The following LLGL2 variants were observed in gnomAD, a reference collection of about 807,000 sequenced individuals.
LLGL2 encodes LLGL2, scribble cell polarity complex component.
A neutral mutation model predicts 123.2 loss-of-function variants in LLGL2; 81 were observed. That is an observed-to-expected ratio of 0.66 (90% CI 0.55 to 0.79). The LOEUF is 0.79. Among genes scored for constraint, LLGL2 ranks in the 30% least tolerant of loss-of-function variants. LLGL2 has a pLI of 0.00. For missense variants in LLGL2, 1,273 were observed against 1,414.6 expected, an observed-to-expected ratio of 0.90 and a Z score of 1.61; for synonymous variants, 577 against 594.1, an observed-to-expected ratio of 0.97 and a Z score of 0.42.
chr17:75,541,790 C>T (rs1299400698), intron 1 of LLGL2, among the ~76,000 whole-genome samples: 1 of 131,596 alleles, frequency 7.6e-6, no homozygotes, highest in Non-Finnish European at 1.5e-5. Context: ...AGTGCAATGG[C>T]CTGATCTTGG....
At position 75,549,478 on chromosome 17, in the gene LLGL2, GAACA is replaced by G. The variant is rs747595996; in HGVS notation, c.75+5982_75+5985del. 6.6e-6 allele frequency among the ~76,000 whole-genome samples: 1 copy of G among 152,008 alleles called. No homozygotes were observed. Among genetic ancestry groups the G allele is most frequent in the Non-Finnish European group, 1.5e-5 (1 of 67,962 alleles). On this transcript the variant is annotated intron_variant, in intron 2 of 25. Transcript: ENST00000392550. The surrounding 1 kb of genome is among the most constrained non-coding windows in gnomAD (Gnocchi z 4.0). The stretch of plus-strand genomic sequence containing the variant: ...ACCCTCCTCTGTCCCCTTAGGCCCT[GAACA>G]AACAGTGTGTTCCTGACCCAGCAGC...
chr17:75,548,820 A>AAG (rs2054544913), intron 2 of LLGL2, among the ~76,000 whole-genome samples: 1 of 151,026 alleles, frequency 6.6e-6, no homozygotes, highest in South Asian at 2.1e-4. Flanking sequence ...CTACAGTGGT[A>AAG]TTTTGGGGTG....
chr17:75,534,700 C>T (rs1008715634), intron 1 of LLGL2, among the ~76,000 whole-genome samples: 1 of 152,082 alleles, frequency 6.6e-6, no homozygotes, highest in Non-Finnish European at 1.5e-5. Context: ...AGGCTGGTCT[C>T]GAACTCCTAG....
chr17:75,571,593 A>C, intron 17 of LLGL2, 74 bp from the exon 18 acceptor site: 2 of 1,105,592 alleles, frequency 1.8e-6, no homozygotes, highest in Non-Finnish European at 1.3e-6. Context: ...AAAACCTGGG[A>C]GTAAACCCTG....
At chr17:75,553,545 G>A (rs2054771901) in intron 2 of LLGL2, among the ~76,000 whole-genome samples, 1 of 152,168 alleles carries the variant, frequency 6.6e-6, no homozygotes, top group Non-Finnish European at 1.5e-5. Flanking sequence ...GGGCTGCAAA[G>A]TAGGAAAGCC....
chr17:75,558,491 C>T lies in LLGL2; in HGVS notation c.256-21C>T. The T allele has an allele frequency of 6.4e-7, 1 of 1,553,884 alleles. No individual in the cohort carries two copies. ...TGCCTGGGTAGCAAGACCACATGAT[C>T]CCGTCGTGTGCCCTCGCCAGTGCCA... On this transcript the variant is annotated intron_variant, in intron 4 of 25. Transcript: ENST00000392550. This position sits in a 1 kb window ranked among gnomAD's most constrained non-coding sequence, Gnocchi z 4.0.
chr17:75,569,844 A>T, intron 14 of LLGL2, 119 bp from the exon 15 acceptor site: 2 of 1,010,314 alleles, frequency 2.0e-6, no homozygotes, highest in Non-Finnish European at 2.8e-6. Context: ...GGTTGGACAG[A>T]GGCCTTTGTC....
At chr17:75,563,217 C>T (rs1196952235) in intron 7 of LLGL2, 39 bp downstream of exon 7, 5 of 1,610,410 alleles carry the variant, frequency 3.1e-6, no homozygotes, top group Non-Finnish European at 2.5e-6. Context: ...CCATGTTGCT[C>T]TCCCAGGGCC....
At chr17:75,539,455 GGTC>G (rs138948628) in intron 1 of LLGL2, among the ~76,000 whole-genome samples, 22,637 of 151,180 alleles carry the variant, frequency 0.15, 2,075 homozygotes, top group African/African-American at 0.25. Flanking sequence ...TGCCCAGGCT[GGTC>G]GTCTCCAGCT....
intron 1 of LLGL2, among the ~76,000 whole-genome samples, chr17:75,534,683 G>A (rs2053935201): frequency 6.6e-6 from 1 of 152,078 alleles, no homozygotes; most frequent in Non-Finnish European, 1.5e-5. Context: ...GTCTCCCTAA[G>A]TTGCCCAGGC....
Position 75,568,632 on chromosome 17 carries a change from T to C in LLGL2, c.1193T>C (p.Leu398Pro). The change falls in exon 11 of 26, where the codon CTG becomes CCG. Residue 398 changes from leucine to proline, a missense_variant. Coordinates refer to ENST00000392550, the MANE Select transcript of LLGL2 (RefSeq NM_001031803.2). ...TCSHHVSNIP[L>P]KLWERIIAAG... ...TCTCACCACGTCTCCAACATCCCGC[T>C]GAAGCTGTGGGAGCGGATCATTGCC... 6.2e-7 allele frequency: 1 copy of C among 1,613,884 alleles called. No homozygotes were observed. Among genetic ancestry groups the C allele is most frequent in the Non-Finnish European group, 8.5e-7 (1 of 1,180,024 alleles).
chr17:75,568,003 C>T (rs2055520598), intron 10 of LLGL2: 1 of 930,274 alleles, frequency 1.1e-6, no homozygotes, highest in Admixed American at 5.5e-5. Flanking sequence ...ATTTATTGAG[C>T]ACTAGCTGGG....
chr17:75,556,308 G>A (rs966411482), intron 3 of LLGL2, among the ~76,000 whole-genome samples, 165 bp downstream of exon 3: 2 of 152,202 alleles, frequency 1.3e-5, no homozygotes, highest in Non-Finnish European at 2.9e-5. Context: ...GGCAGGTATG[G>A]TTGATGGTGG....
intron 25 of LLGL2, 88 bp downstream of exon 25, chr17:75,574,756 G>A (rs979198347): frequency 1.6e-5 from 25 of 1,594,880 alleles, no homozygotes; most frequent in Middle Eastern, 3.3e-4. Flanking sequence ...TGGGTCCCAC[G>A]GGGCTGACAC....
intron 16 of LLGL2, 131 bp downstream of exon 16, chr17:75,570,629 TTG>T: frequency 8.7e-7 from 1 of 1,144,086 alleles, no homozygotes; most frequent in Non-Finnish European, 1.2e-6. Context: ...CCAGGTCGCA[TTG>T]TGTGACCTCA....
At chr17:75,569,820 T>G in intron 14 of LLGL2, 143 bp from the exon 15 acceptor site, 1 of 721,116 alleles carries the variant, frequency 1.4e-6, no homozygotes, top group Non-Finnish European at 2.1e-6. Flanking sequence ...AAAAAAAAAA[T>G]GCAGGAGAGC....
intron 19 of LLGL2, among the ~76,000 whole-genome samples, chr17:75,572,699 G>T (rs1319637631): frequency 6.7e-6 from 1 of 149,820 alleles, no homozygotes; most frequent in East Asian, 2.0e-4. Context: ...GGTGGTGGAC[G>T]CCTGTAATCC....
At chr17:75,526,124 G>A (rs1369984139) in intron 1 of LLGL2, among the ~76,000 whole-genome samples, 1 of 152,114 alleles carries the variant, frequency 6.6e-6, no homozygotes, top group Non-Finnish European at 1.5e-5. Context: ...GGCCGGCTGG[G>A]TGCGGGGGGC....
At position 75,570,333 on chromosome 17, in the gene LLGL2, T is replaced by C. The variant is rs745409371; in HGVS notation, c.1875-15T>C. The C allele has an allele frequency of 1.6e-5, 26 of 1,610,772 alleles. No homozygotes were observed. The highest frequency in any genetic ancestry group is 5.0e-5 in the Admixed American group (3 of 59,706). The stretch of plus-strand genomic sequence containing the variant: ...CCAGGACCTAGCAGCACTGACAGCC[T>C]GCCATCCCCCCAAGGTGCACACTGC... On this transcript the variant is annotated splice_polypyrimidine_tract_variant and intron_variant, in intron 15 of 25. Transcript: ENST00000392550.
Sources: allele counts gnomAD v4.1 joint callset (sites outside exome capture counted in the v4.1 genomes callset), GRCh38; gene constraint gnomAD v4.1.1; non-coding constraint Gnocchi (gnomAD v3.1); transcripts MANE v1.5; gene names NCBI Gene and HGNC (gene_info 2026-07-23, HGNC 2026-07-21).